Variants in ALKBH4 observed in about 807,000 individuals in gnomAD.
ALKBH4 encodes alpha-ketoglutarate-dependent dioxygenase alkB homolog 4.
ALKBH4 carries 8 observed loss-of-function variants against 12.1 expected under a neutral mutation model. The ratio of observed to expected loss-of-function variants is 0.66; its 90% confidence interval spans 0.39 to 1.19. ALKBH4 has a LOEUF of 1.19. Ranked by LOEUF, ALKBH4 falls within the 50% of genes most tolerant of loss-of-function variation. The pLI, the probability that ALKBH4 is intolerant of heterozygous loss-of-function variation, is 0.01. For missense variants in ALKBH4, 403 were observed against 430.4 expected (o/e 0.94, Z 0.56); for synonymous variants, 195 against 191.6 (o/e 1.02, Z -0.15).
rs1448654994 is a variant in ALKBH4 at position 102,457,797 on chromosome 7, TG to T, written c.505del (p.His169ThrfsTer50). On this transcript the variant is annotated frameshift_variant, in exon 3 of 3. Transcript: ENST00000292566. LOFTEE classifies it low-confidence loss of function (END_TRUNC). The surrounding 1 kb of genome is among the most constrained non-coding windows in gnomAD (Gnocchi z 5.9). Reference protein sequence around the residue: ...CPERGSAIDPHLDDAWLWGER... With the variant: ...CPERGSAIDPXLDDAWLWGER... ...CCCCCACAGCCAGGCGTCGTCCAGG[TG>T]GGGGTCAATGGCAGAGCCCCGCTCG... is the stretch of plus-strand genomic sequence containing the variant. The T allele has an allele frequency of 1.9e-6, 3 of 1,606,860 alleles. No individual in the cohort carries two copies. Among genetic ancestry groups the T allele is most frequent in the East Asian group, 2.2e-5 (1 of 44,802 alleles).
At chr7:102,464,634 C>A in intron 1 of ALKBH4, 80 bp downstream of exon 1, 1 of 1,443,400 alleles carries the variant, frequency 6.9e-7, no homozygotes, top group Non-Finnish European at 9.1e-7. Flanking sequence ...GATCCCGGCC[C>A]CTATCATGGC....
At chr7:102,463,561 C>G (rs914521502) in intron 1 of ALKBH4, among the ~76,000 whole-genome samples, 5 of 151,898 alleles carry the variant, frequency 3.3e-5, no homozygotes, top group Non-Finnish European at 5.9e-5. Context: ...AACTCCTGAC[C>G]TCAGGTGATC....
intron 1 of ALKBH4, among the ~76,000 whole-genome samples, chr7:102,462,830 C>G (rs778062957): frequency 1.1e-4 from 16 of 152,182 alleles, no homozygotes; most frequent in Non-Finnish European, 1.6e-4. Flanking sequence ...TACTTTCTGT[C>G]CCTGTGACTA....
At chr7:102,461,255 T>C (rs1387529675) in intron 1 of ALKBH4, among the ~76,000 whole-genome samples, 1 of 152,016 alleles carries the variant, frequency 6.6e-6, no homozygotes, top group African/African-American at 2.4e-5. Context: ...GAGAATCCCT[T>C]GAACCCGGGA....
intron 1 of ALKBH4, among the ~76,000 whole-genome samples, chr7:102,462,911 G>A (rs899462078): frequency 1.1e-4 from 17 of 150,562 alleles, no homozygotes; most frequent in South Asian, 2.1e-4. Context: ...ACTTAGCATC[G>A]TGTCCCCAAG....
chr7:102,464,829 G>A lies in ALKBH4; in HGVS notation c.8C>T (p.Ala3Val). The change falls in exon 1 of 3, where the codon GCG (alanine) becomes GTG (valine). Residue 3 changes from alanine (A) to valine (V), a missense_variant. Physicochemically the swap from Ala to Val is moderately conservative, Grantham distance 64. Transcript: ENST00000292566. MA[A>V]AAAETPEVLR... Reference sequence around the variant, plus strand: ...GACTTCGGGGGTCTCGGCGGCAGCCGCCGCCATCGCGCCGTCCGCGTGGCC... The same window carrying A: ...GACTTCGGGGGTCTCGGCGGCAGCCACCGCCATCGCGCCGTCCGCGTGGCC... The A allele has an allele frequency of 2.6e-6, 4 of 1,518,436 alleles. No homozygotes were observed. The highest frequency in any genetic ancestry group is 2.6e-6 in the Non-Finnish European group (3 of 1,138,122). The allele number at this position is 1,518,436 out of a possible 1,614,324, so 94.1% of individuals were successfully genotyped here.
Position 102,457,593 on chromosome 7 carries a change from G to A in ALKBH4, c.710C>T (p.Pro237Leu), listed in dbSNP as rs774524165. ...GGTGAGGACCAGCAGGGAGCGGGCG[G>A]GTAAGGGGATGGCCACCTCCACCTC... ...CQEVEVAIPL[P>L]ARSLLVLTGA... is the part of the protein sequence containing the mutation. The change falls in exon 3 of 3, where the codon CCC becomes CTC. Residue 237 changes from proline (P) to leucine (L), a missense_variant. Physicochemically the swap from Pro to Leu is moderately conservative, Grantham distance 98 (BLOSUM62 -3). Coordinates refer to ENST00000292566, the MANE Select transcript of ALKBH4 (RefSeq NM_017621.4). This position sits in a 1 kb window ranked among gnomAD's most constrained non-coding sequence, Gnocchi z 5.9. 2 of 1,604,664 alleles carry A rather than the reference G, an allele frequency of 1.2e-6. No individual in the cohort carries two copies. The highest frequency in any genetic ancestry group is 2.7e-5 in the African/African-American group (2 of 75,036).
Position 102,457,748 on chromosome 7 carries a change from G to T in ALKBH4, c.555C>A (p.Leu185=). 6.3e-7 allele frequency: 1 copy of T among 1,582,836 alleles called. No homozygotes were observed. Residue 185 remains leucine (L), a synonymous_variant, in exon 3 of 3, where the codon CTC becomes CTA. Coordinates refer to ENST00000292566, the MANE Select transcript of ALKBH4 (RefSeq NM_017621.4). This position sits in a 1 kb window ranked among gnomAD's most constrained non-coding sequence, Gnocchi z 5.9. ...ACATGGACAGCACGGTGGGGGACAG[G>T]AGGTTGAGGCTGACCAGCCGCTCCC... ...LWGERLVSLN[L]LSPTVLSMCR...
rs568757143 is a variant in ALKBH4 at position 102,456,700 on chromosome 7, T to C, written c.*694A>G. The C allele has an allele frequency of 6.6e-6, 1 of 152,318 alleles. No homozygotes were observed. The highest frequency in any genetic ancestry group is 2.4e-5 in the African/African-American group (1 of 41,564). 9.4% of individuals were successfully genotyped at this position (152,318 alleles called of 1,614,324 possible). A position where few individuals can be genotyped will look rare whatever the true frequency, so the allele number is the denominator to read the frequency against. ...TCTGAAGCTGTTCCCAGCTCTTTAGTCTAAACTTCAAATCTTCAACCCTGT... is the reference window on the plus strand; with the variant it reads ...TCTGAAGCTGTTCCCAGCTCTTTAGCCTAAACTTCAAATCTTCAACCCTGT... On this transcript the variant is annotated 3_prime_UTR_variant, in exon 3 of 3. Transcript: ENST00000292566.
chr7:102,462,374 CT>C (rs113479086), intron 1 of ALKBH4, among the ~76,000 whole-genome samples: 1 of 151,144 alleles, frequency 6.6e-6, no homozygotes, highest in Non-Finnish European at 1.5e-5. Context: ...TTTTTCTTTT[CT>C]TTTTTTTTGT....
chr7:102,457,795 G>C lies in ALKBH4; in HGVS notation c.508C>G (p.Leu170Val). ...PERGSAIDPH[L>V]DDAWLWGERL... ...TCCCCCCACAGCCAGGCGTCGTCCA[G>C]GTGGGGGTCAATGGCAGAGCCCCGC... Residue 170 changes from leucine (L) to valine (V), a missense_variant, in exon 3 of 3, where the codon CTG (leucine) becomes GTG (valine). Coordinates refer to ENST00000292566, the MANE Select transcript of ALKBH4 (RefSeq NM_017621.4). This position sits in a 1 kb window ranked among gnomAD's most constrained non-coding sequence, Gnocchi z 5.9. 1 of 1,606,972 alleles carries C rather than the reference G, an allele frequency of 6.2e-7. No individual in the cohort carries two copies. The highest frequency in any genetic ancestry group is 1.1e-5 in the South Asian group (1 of 90,942).
intron 1 of ALKBH4, among the ~76,000 whole-genome samples, chr7:102,461,533 T>C (rs1196386742): frequency 6.6e-6 from 1 of 151,818 alleles, no homozygotes; most frequent in East Asian, 2.0e-4. Flanking sequence ...GCTAATTTTT[T>C]TCTTGTATTT....
In ALKBH4 at chr7:102,459,730, G is replaced by T. The variant is rs1797748628; in HGVS notation, c.195C>A (p.Gly65=). The T allele has an allele frequency of 1.2e-6, 2 of 1,614,008 alleles. No homozygotes were observed. Among genetic ancestry groups the T allele is most frequent in the Admixed American group, 3.3e-5 (2 of 59,980 alleles). ...TCACTCCTGGGAAGGGGAAGGCCCA[G>T]CCCTCAAAGTCAGACTCCTCTGTGC... The part of the protein sequence containing the change: ...AVGTEESDFE[G]WAFPFPGVML... Residue 65 remains glycine, a synonymous_variant, in exon 2 of 3, where the codon GGC becomes GGA. Coordinates refer to ENST00000292566, the MANE Select transcript of ALKBH4 (RefSeq NM_017621.4).
intron 1 of ALKBH4, 51 bp downstream of exon 1, chr7:102,464,663 C>A: frequency 6.8e-7 from 1 of 1,478,140 alleles, no homozygotes; most frequent in Non-Finnish European, 9.0e-7. Flanking sequence ...ACCTCAGTTT[C>A]CCCAGATGCA....
chr7:102,463,364 C>T (rs1462028626), intron 1 of ALKBH4, among the ~76,000 whole-genome samples: 1 of 108,152 alleles, frequency 9.2e-6, no homozygotes. Context: ...GAGTCTTGCT[C>T]TGTCACCTGA....
intron 2 of ALKBH4, among the ~76,000 whole-genome samples, chr7:102,458,923 C>T (rs1462865608): frequency 1.3e-5 from 2 of 151,686 alleles, no homozygotes; most frequent in African/African-American, 2.4e-5. Context: ...CTGAGGCGGG[C>T]GGATCACTTG....
At chr7:102,458,919 C>T (rs1178648195) in intron 2 of ALKBH4, among the ~76,000 whole-genome samples, 4 of 151,916 alleles carry the variant, frequency 2.6e-5, no homozygotes, top group African/African-American at 4.8e-5. Flanking sequence ...GAGGCTGAGG[C>T]GGGCGGATCA....
In ALKBH4 at chr7:102,457,964, G is replaced by A; in HGVS notation, c.339C>T (p.Val113=). 1 of 1,608,980 alleles carries A rather than the reference G, an allele frequency of 6.2e-7. No individual in the cohort carries two copies. Among genetic ancestry groups the A allele is most frequent in the Non-Finnish European group, 8.5e-7 (1 of 1,177,120 alleles). ...GRRKQDYGPK[V]NFRKQKLKTE... is the part of the protein sequence containing the mutation. ...TCTTTAGCTTCTGTTTCCGAAAGTT[G>A]ACTTTGGGGCCATAGTCCTGAAGGA... The change falls in exon 3 of 3, where the codon GTC becomes GTT. Residue 113 remains valine (V), a synonymous_variant. Transcript: ENST00000292566. This position sits in a 1 kb window ranked among gnomAD's most constrained non-coding sequence, Gnocchi z 5.9.
intron 2 of ALKBH4, among the ~76,000 whole-genome samples, chr7:102,458,792 A>G (rs1272610645): frequency 6.6e-6 from 1 of 151,920 alleles, no homozygotes; most frequent in Non-Finnish European, 1.5e-5. Flanking sequence ...AAGTGACAAC[A>G]ACGCCAATGT....
Sources: gnomAD v4.1 joint callset for allele counts (sites outside exome capture counted in the v4.1 genomes callset) on GRCh38, gnomAD v4.1.1 for gene constraint, Gnocchi (gnomAD v3.1) non-coding constraint, MANE v1.5 for transcripts, NCBI Gene and HGNC (gene_info 2026-07-23, HGNC 2026-07-21) for gene names.